The following STK38 variants were observed in gnomAD, a reference collection of about 807,000 sequenced individuals.
STK38 encodes the protein serine/threonine-protein kinase 38.
STK38 carries 26 observed loss-of-function variants against 59.0 expected under a neutral mutation model. That is an observed-to-expected ratio of 0.44 (90% CI 0.32 to 0.61). STK38 has a LOEUF of 0.61. Ranked by LOEUF, STK38 falls within the 20% of genes least tolerant of loss-of-function variation. The pLI is 0.04. For missense variants in STK38, 433 were observed against 566.0 expected (o/e 0.76, Z 2.38); for synonymous variants, 175 against 176.6 (o/e 0.99, Z 0.07).
chr6:36,532,307 CATAAAAAA>C (rs1777684087), intron 2 of STK38, among the ~76,000 whole-genome samples: 1 of 103,558 alleles, frequency 9.7e-6, no homozygotes. Context: ...ACCTTGTCTG[CATAAAAAA>C]AAAAAAAAAA....
chr6:36,519,666 G>C (rs893515051), intron 5 of STK38, among the ~76,000 whole-genome samples: 14 of 152,150 alleles, frequency 9.2e-5, no homozygotes, highest in Admixed American at 2.0e-4. Flanking sequence ...AGAGTCTGAG[G>C]TGCAATTTAT....
chr6:36,498,519 A>ATCT (rs1561970867), intron 10 of STK38, 33 bp from the exon 11 acceptor site: 1 of 1,590,410 alleles, frequency 6.3e-7, no homozygotes, highest in Admixed American at 1.9e-5. Context: ...GAGCTTTTAC[A>ATCT]CTCCAGAACT....
intron 9 of STK38, among the ~76,000 whole-genome samples, chr6:36,501,760 T>G (rs1461376257): frequency 1.3e-5 from 2 of 152,190 alleles, no homozygotes; most frequent in Non-Finnish European, 2.9e-5. Context: ...GATTTATTCA[T>G]GTAGCTCTAG....
At position 36,537,901 on chromosome 6, in the gene STK38, C is replaced by CA. The variant is rs57865791; in HGVS notation, c.131+2170dup. On this transcript the variant is annotated intron_variant, in intron 2 of 13. Transcript: ENST00000229812. ...GCAACAAAACAACACCCCGTCTCGA[C>CA]AAAAAAAAAAATATGCTAAATGAAA... Among the ~76,000 whole-genome samples, 896 of 134,732 alleles carry CA rather than the reference C, an allele frequency of 6.7e-3. 8 individuals are homozygous for CA. Among genetic ancestry groups the CA allele is most frequent in the African/African-American group, 0.018 (658 of 36,718 alleles). The allele number at this position is 134,732 out of a possible 152,430, so 88.4% of individuals were successfully genotyped here.
chr6:36,512,003 G>A (rs567496075), intron 7 of STK38, among the ~76,000 whole-genome samples: 46 of 152,296 alleles, frequency 3.0e-4, no homozygotes, highest in Admixed American at 1.9e-3. Flanking sequence ...AAGTCACAGT[G>A]AGCCAAGATC....
chr6:36,497,517 G>A lies in STK38; in HGVS notation c.1172+263C>T, dbSNP rs1776732836. On this transcript the variant is annotated intron_variant, in intron 12 of 13. Coordinates refer to ENST00000229812, the MANE Select transcript of STK38 (RefSeq NM_007271.4). ...CTGAGTTCTAGGTAAAGGGTAATAC[G>A]CTTCCTAGATGCTCCCTCCACCTCA... 2.6e-5 allele frequency among the ~76,000 whole-genome samples: 4 copies of A among 152,124 alleles called. No homozygotes were observed. The South Asian group carries it at 8.3e-4, about 31-fold the overall frequency.
At chr6:36,533,590 T>C (rs1360418063) in intron 2 of STK38, among the ~76,000 whole-genome samples, 3 of 152,220 alleles carry the variant, frequency 2.0e-5, no homozygotes, top group Non-Finnish European at 4.4e-5. Context: ...ATCTTAGTGT[T>C]AATCACAATG....
chr6:36,500,484 G>C lies in STK38; in HGVS notation c.835-494C>G, dbSNP rs974312918. ...CAGTTTAAAAATTAAATATCTGGCC[G>C]GGAGTGGTGGTTCACGCCTGTAATC... On this transcript the variant is annotated intron_variant, in intron 9 of 13. Coordinates refer to ENST00000229812, the MANE Select transcript of STK38 (RefSeq NM_007271.4). Among the ~76,000 whole-genome samples, 4 of 152,098 alleles carry C rather than the reference G, an allele frequency of 2.6e-5. No individual in the cohort carries two copies. The East Asian group carries it at 7.7e-4, about 29-fold the overall frequency.
chr6:36,501,553 CTT>C (rs61042158), intron 9 of STK38, among the ~76,000 whole-genome samples: 7 of 136,582 alleles, frequency 5.1e-5, no homozygotes, highest in African/African-American at 1.1e-4. Flanking sequence ...GATCATTTGT[CTT>C]TTTTTTTTTT....
At chr6:36,545,226 C>A (rs1198601037) in intron 1 of STK38, among the ~76,000 whole-genome samples, 1 of 134,658 alleles carries the variant, frequency 7.4e-6, no homozygotes, top group Non-Finnish European at 1.5e-5. Flanking sequence ...CCTGGAGGCA[C>A]AGGTTGCAGT....
chr6:36,506,108 G>GT (rs1478903506), intron 9 of STK38, among the ~76,000 whole-genome samples: 1 of 152,130 alleles, frequency 6.6e-6, no homozygotes, highest in Admixed American at 6.5e-5. Flanking sequence ...ATCTTTATAA[G>GT]TAAGTTCTTT....
chr6:36,510,297 C>A (rs1777076695), intron 7 of STK38, among the ~76,000 whole-genome samples: 1 of 152,238 alleles, frequency 6.6e-6, no homozygotes, highest in South Asian at 2.1e-4. Flanking sequence ...CTGCAGGGGG[C>A]TAGTGTGTCA....
chr6:36,518,771 A>G (rs1252038668), intron 5 of STK38, among the ~76,000 whole-genome samples: 1 of 152,144 alleles, frequency 6.6e-6, no homozygotes, highest in Non-Finnish European at 1.5e-5. Flanking sequence ...GTTGATTCAG[A>G]TCTAAATTTA....
chr6:36,515,313 G>A, intron 7 of STK38, 25 bp downstream of exon 7: 1 of 1,612,006 alleles, frequency 6.2e-7, no homozygotes, highest in Non-Finnish European at 8.5e-7. Context: ...AACGTGCATA[G>A]TTCATGCCAA....
intron 8 of STK38, 58 bp downstream of exon 8, chr6:36,507,441 GA>G (rs1348823957): frequency 7.1e-7 from 1 of 1,409,290 alleles, no homozygotes; most frequent in Non-Finnish European, 1.0e-6. Context: ...GGTTACAAGG[GA>G]AACAGCTCTT....
At chr6:36,497,252 C>T (rs1472285636) in intron 12 of STK38, among the ~76,000 whole-genome samples, 1 of 152,228 alleles carries the variant, frequency 6.6e-6, no homozygotes, top group African/African-American at 2.4e-5. Flanking sequence ...AAAACTTCAC[C>T]TTCTATTTAA....
Position 36,495,748 on chromosome 6 carries a change from G to T in STK38, c.*36C>A, listed in dbSNP as rs990595822. 6.2e-7 allele frequency: 1 copy of T among 1,612,244 alleles called. No homozygotes were observed. Among genetic ancestry groups the T allele is most frequent in the African/African-American group, 1.3e-5 (1 of 75,020 alleles). ...GAGGAAAAGCATGATGTTATACAAA[G>T]AACTCTGCTCCACATAGGATTCCGT... is the stretch of plus-strand genomic sequence containing the variant. On this transcript the variant is annotated 3_prime_UTR_variant, in exon 14 of 14. Coordinates refer to ENST00000229812, the MANE Select transcript of STK38 (RefSeq NM_007271.4).
intron 2 of STK38, among the ~76,000 whole-genome samples, chr6:36,530,722 GCT>G (rs1057383101): frequency 2.6e-4 from 35 of 134,246 alleles, no homozygotes; most frequent in African/African-American, 8.9e-4. Context: ...CAAGAGTCTA[GCT>G]CTGTTACCCA....
At chr6:36,522,930 GT>G (rs1420154732) in intron 4 of STK38, among the ~76,000 whole-genome samples, 1 of 150,324 alleles carries the variant, frequency 6.7e-6, no homozygotes, top group Non-Finnish European at 1.5e-5. Context: ...GTTTTATGTA[GT>G]TTTCCTTCTC....
Sources: allele counts gnomAD v4.1 joint callset (sites outside exome capture counted in the v4.1 genomes callset), GRCh38; gene constraint gnomAD v4.1.1; transcripts MANE v1.5; gene names NCBI Gene and HGNC (gene_info 2026-07-23, HGNC 2026-07-21).